Variants in MACROD1 observed in about 807,000 individuals in gnomAD.
MACROD1 encodes the protein mono-ADP ribosylhydrolase 1, also known as ADP-ribose glycohydrolase MACROD1.
Under a neutral mutation model 41.4 loss-of-function variants are expected in MACROD1, and 31 were observed. That is an observed-to-expected ratio of 0.75 (90% CI 0.56 to 1.01). The LOEUF is 1.01. Among genes scored for constraint, MACROD1 ranks in the 50% least tolerant of loss-of-function variants. The probability of loss-of-function intolerance (pLI) is 0.00; values close to 1 mark genes in which losing one functional copy is unlikely to be tolerated. For missense variants in MACROD1, 473 were observed against 460.0 expected (o/e 1.03, Z -0.26); for synonymous variants, 252 against 203.4 (o/e 1.24, Z -2.03).
intron 3 of MACROD1, among the ~76,000 whole-genome samples, chr11:64,149,310 C>T (rs531979916): frequency 2.0e-5 from 3 of 152,270 alleles, no homozygotes; most frequent in African/African-American, 7.2e-5. Flanking sequence ...GTTTCTTCAC[C>T]ACCCTCATTT....
At chr11:64,060,496 G>A (rs1449475976) in intron 3 of MACROD1, 1 of 152,232 alleles carries the variant, frequency 6.6e-6, no homozygotes, top group Non-Finnish European at 1.5e-5. Context: ...CCTCACAGAT[G>A]CCTGGCGGCT....
Position 63,999,677 on chromosome 11 carries a change from G to T in MACROD1, c.751C>A (p.Leu251Met). ...AELRSCYLSS[L>M]DLLLEHRLRS... is the part of the protein sequence containing the mutation. ...AGCCGGTGCTCCAGCAGCAGGTCCA[G>T]ACTGCTCAGGTAGCAGCTGCGGAGC... is the stretch of plus-strand genomic sequence containing the variant. The change falls in exon 6 of 11, where the codon CTG becomes ATG. Residue 251 changes from leucine (L) to methionine (M), a missense_variant. By Grantham distance (15) the Leu-to-Met change is conservative. Coordinates refer to ENST00000255681, the MANE Select transcript of MACROD1 (RefSeq NM_014067.4). 6.2e-7 allele frequency: 1 copy of T among 1,609,512 alleles called. No individual in the cohort carries two copies. The highest frequency in any genetic ancestry group is 8.5e-7 in the Non-Finnish European group (1 of 1,179,116).
chr11:64,091,670 C>T (rs7947315), intron 3 of MACROD1, among the ~76,000 whole-genome samples: 46,235 of 152,104 alleles, frequency 0.3, 9,722 homozygotes, highest in East Asian at 0.67. Context: ...AGAAGACACT[C>T]GGCCCAAGGG....
At chr11:64,092,527 C>T (rs1004638076) in intron 3 of MACROD1, among the ~76,000 whole-genome samples, 3 of 152,176 alleles carry the variant, frequency 2.0e-5, no homozygotes, top group Admixed American at 6.5e-5. Context: ...GAGATGGGGC[C>T]GCTCAGAGAC....
intron 1 of MACROD1, among the ~76,000 whole-genome samples, chr11:64,154,528 A>G (rs1318899754): frequency 6.6e-6 from 1 of 151,908 alleles, no homozygotes; most frequent in Admixed American, 6.6e-5. Context: ...CTGGGAACAT[A>G]AATCAGGTGC....
At chr11:64,136,306 T>G (rs909503349) in intron 3 of MACROD1, among the ~76,000 whole-genome samples, 1 of 152,186 alleles carries the variant, frequency 6.6e-6, no homozygotes, top group South Asian at 2.1e-4. Flanking sequence ...CCAGGATACA[T>G]AGGGAAAAGA....
chr11:64,024,372 TATG>T (rs1319330943), intron 3 of MACROD1, among the ~76,000 whole-genome samples: 1 of 152,252 alleles, frequency 6.6e-6, no homozygotes, highest in Non-Finnish European at 1.5e-5. Context: ...GAGGGGGTCC[TATG>T]ATTTTTCCCA....
At chr11:64,017,129 C>G (rs759533486) in intron 3 of MACROD1, among the ~76,000 whole-genome samples, 1 of 152,090 alleles carries the variant, frequency 6.6e-6, no homozygotes, top group Non-Finnish European at 1.5e-5. Context: ...GCCACCACAC[C>G]CGGCTAATTT....
At chr11:64,080,835 T>C (rs939455243) in intron 3 of MACROD1, among the ~76,000 whole-genome samples, 13 of 152,020 alleles carry the variant, frequency 8.6e-5, no homozygotes, top group Admixed American at 8.5e-4. Flanking sequence ...CTTGGGGTGA[T>C]GGGGAGGGAA....
At chr11:64,152,168 C>T (rs536168208) in intron 2 of MACROD1, 124 bp downstream of exon 2, 48 of 732,534 alleles carry the variant, frequency 6.6e-5, no homozygotes, top group South Asian at 1.7e-4. Flanking sequence ...GTGATACACG[C>T]GGAGCACCTG....
At chr11:64,143,131 G>A (rs892908842) in intron 3 of MACROD1, among the ~76,000 whole-genome samples, 1 of 147,118 alleles carries the variant, frequency 6.8e-6, no homozygotes, top group African/African-American at 2.5e-5. Context: ...AAGAAGGGAG[G>A]GTGGGAGGGA....
chr11:64,163,154 A>AAAC (rs1426406699), intron 1 of MACROD1, among the ~76,000 whole-genome samples: 2 of 105,262 alleles, frequency 1.9e-5, no homozygotes, highest in Admixed American at 1.8e-4. Flanking sequence ...AACAAACAAA[A>AAAC]ATTAGCCGGG....
chr11:64,028,149 C>T (rs576431330), intron 3 of MACROD1, among the ~76,000 whole-genome samples: 32 of 152,328 alleles, frequency 2.1e-4, no homozygotes, highest in Non-Finnish European at 4.4e-4. Flanking sequence ...ACTAGTGCTT[C>T]CCCAGTGGGG....
chr11:64,004,769 G>T (rs886602253), intron 4 of MACROD1, among the ~76,000 whole-genome samples: 43 of 152,186 alleles, frequency 2.8e-4, no homozygotes, highest in African/African-American at 1.0e-3. Context: ...ACTGGTGGGG[G>T]CTGGGAGGGG....
intron 3 of MACROD1, among the ~76,000 whole-genome samples, chr11:64,035,538 C>A (rs1442815623): frequency 6.6e-6 from 1 of 151,268 alleles, no homozygotes; most frequent in African/African-American, 2.4e-5. Flanking sequence ...GAGCCTCCCT[C>A]CCCCAACTCC....
rs778646482 is a variant in MACROD1, at chr11:64,067,766, C to T, written c.518-52485G>A. On this transcript the variant is annotated intron_variant, in intron 3 of 10. Transcript: ENST00000255681. This position sits in a 1 kb window ranked among gnomAD's most constrained non-coding sequence, Gnocchi z 4.6. ...CCCCCAGCTTGTGAACTGGGGGTGG[C>T]CCCAGAGCTGTTTGTTTTCCCTGAC... Among the ~76,000 whole-genome samples, 18 of 152,124 alleles carry T rather than the reference C, an allele frequency of 1.2e-4. No homozygotes were observed. The highest frequency in any genetic ancestry group is 1.9e-4 in the Non-Finnish European group (13 of 68,016).
intron 3 of MACROD1, among the ~76,000 whole-genome samples, chr11:64,108,342 A>G (rs1944800461): frequency 6.6e-6 from 1 of 150,520 alleles, no homozygotes; most frequent in African/African-American, 2.4e-5. Context: ...CTTGAGACCC[A>G]GGGCCACCCC....
intron 4 of MACROD1, among the ~76,000 whole-genome samples, chr11:64,009,600 C>G (rs1271911482): frequency 6.6e-6 from 1 of 151,810 alleles, no homozygotes; most frequent in East Asian, 1.9e-4. Flanking sequence ...AGTAGGGGGA[C>G]TTCCCCAGGA....
At chr11:64,113,463 T>C (rs1013663865) in intron 3 of MACROD1, among the ~76,000 whole-genome samples, 1 of 150,272 alleles carries the variant, frequency 6.7e-6, no homozygotes, top group Admixed American at 6.6e-5. Context: ...GGTGGATGCA[T>C]GGATTGATGC....
Sources: gnomAD v4.1 joint callset for allele counts (sites outside exome capture counted in the v4.1 genomes callset) on GRCh38, gnomAD v4.1.1 for gene constraint, Gnocchi (gnomAD v3.1) non-coding constraint, MANE v1.5 for transcripts, NCBI Gene and HGNC (gene_info 2026-07-23, HGNC 2026-07-21) for gene names.